Variants in GRXCR2 observed in about 807,000 individuals in gnomAD.
GRXCR2 encodes glutaredoxin and cysteine rich domain containing 2.
Under a neutral mutation model 24.8 loss-of-function variants are expected in GRXCR2, and 23 were observed. The observed-to-expected ratio is 0.93, with a 90% confidence interval of 0.67 to 1.32. GRXCR2 has a LOEUF of 1.32. Ranked by LOEUF, GRXCR2 falls within the 40% of genes most tolerant of loss-of-function variation. GRXCR2 has a pLI of 0.00. For synonymous variants in GRXCR2, 130 were observed against 116.1 expected (o/e 1.12, Z -0.77); for missense variants, 315 against 303.4 (o/e 1.04, Z -0.28).
At position 145,859,912 on chromosome 5, in the gene GRXCR2, C is replaced by A; in HGVS notation, c.568G>T (p.Gly190Trp). 1.3e-6 allele frequency: 2 copies of A among 1,567,962 alleles called. No individual in the cohort carries two copies. Among genetic ancestry groups the A allele is most frequent in the South Asian group, 2.4e-5 (2 of 83,588 alleles). Residue 190 changes from glycine (G) to tryptophan (W), a missense_variant, in exon 3 of 3, where the codon GGG (glycine) becomes TGG (tryptophan). By Grantham distance (184) the Gly-to-Trp change is radical (BLOSUM62 -2). Coordinates refer to ENST00000377976, the MANE Select transcript of GRXCR2 (RefSeq NM_001080516.2). Reference sequence around the variant, plus strand: ...AAACAGCTGTCCTCGGGAATATCCCCTTCCTGCAAGAGACAGGTTAGGGTT... The same window carrying A: ...AAACAGCTGTCCTCGGGAATATCCCATTCCTGCAAGAGACAGGTTAGGGTT... ...TLPQNRYTQEGDIPEDSCFHC... is the reference protein window; with the variant it reads ...TLPQNRYTQEWDIPEDSCFHC...
chr5:145,878,358 T>C (rs952068455), intron 2 of GRXCR2, among the ~76,000 whole-genome samples: 5 of 152,072 alleles, frequency 3.3e-5, no homozygotes, highest in African/African-American at 9.7e-5. Flanking sequence ...TTAAATGACC[T>C]GATGGAGCTG....
At chr5:145,918,739 AG>A (rs1381178824) in intron 2 of GRXCR2, among the ~76,000 whole-genome samples, 3 of 152,192 alleles carry the variant, frequency 2.0e-5, no homozygotes, top group Non-Finnish European at 4.4e-5. Flanking sequence ...ATCTAGAGGA[AG>A]AAGCTCAGGA....
At position 145,910,897 on chromosome 5, in the gene GRXCR2, C is replaced by T. The variant is rs1757155755; in HGVS notation, c.-70+24804G>A. 2.0e-5 allele frequency among the ~76,000 whole-genome samples: 3 copies of T among 152,076 alleles called. No homozygotes were observed. In the South Asian group the frequency reaches 6.2e-4, roughly 32 times the overall value. ...ACACACATGTGTGTACAACTACAGG[C>T]ACATCCCCACTCTGTGGATGAGGAC... On this transcript the variant is annotated intron_variant, in intron 2 of 3. Transcript: ENST00000639411.
Position 145,918,575 on chromosome 5 carries a change from C to T in GRXCR2, c.-70+17126G>A, listed in dbSNP as rs1357997885. Among the ~76,000 whole-genome samples the T allele has an allele frequency of 2.0e-5, 3 of 152,330 alleles. No individual in the cohort carries two copies. The East Asian group carries it at 5.8e-4, about 29-fold the overall frequency. On this transcript the variant is annotated intron_variant, in intron 2 of 3. Coordinates refer to the GRXCR2 transcript ENST00000639411. ...GAAAGGTCAAAGTGTCCAGGAAAAG[C>T]TGGTAATTATGACCAGTTCCTGGGT... is the stretch of plus-strand genomic sequence containing the variant.
intron 2 of GRXCR2, among the ~76,000 whole-genome samples, chr5:145,889,228 G>GAAAT (rs1561683183): frequency 2.7e-5 from 4 of 150,566 alleles, no homozygotes; most frequent in African/African-American, 7.3e-5. Flanking sequence ...AAGAAAGAAA[G>GAAAT]AAAGAAAGAA....
chr5:145,921,133 T>C (rs915090958), intron 2 of GRXCR2, among the ~76,000 whole-genome samples: 1 of 152,198 alleles, frequency 6.6e-6, no homozygotes, highest in African/African-American at 2.4e-5. Flanking sequence ...CCATGTCAGG[T>C]AGGCATTCTG....
At chr5:145,861,494 G>A (rs909175236) in intron 2 of GRXCR2, among the ~76,000 whole-genome samples, 2 of 151,878 alleles carry the variant, frequency 1.3e-5, no homozygotes, top group Non-Finnish European at 2.9e-5. Context: ...AAGAAGGCTT[G>A]CCCACCCACA....
At chr5:145,891,191 C>T (rs1208566063) in intron 2 of GRXCR2, among the ~76,000 whole-genome samples, 1 of 152,150 alleles carries the variant, frequency 6.6e-6, no homozygotes, top group Non-Finnish European at 1.5e-5. Context: ...CTCCAGTCTA[C>T]AGCTCCCAGC....
At chr5:145,862,414 C>T (rs193009421) in intron 2 of GRXCR2, among the ~76,000 whole-genome samples, 247 of 152,276 alleles carry the variant, frequency 1.6e-3, no homozygotes, top group African/African-American at 5.8e-3. Context: ...ACCACTTACC[C>T]TCAACATGCT....
At chr5:145,904,931 T>C (rs939499050) in intron 2 of GRXCR2, among the ~76,000 whole-genome samples, 14 of 152,200 alleles carry the variant, frequency 9.2e-5, no homozygotes, top group African/African-American at 3.1e-4. Context: ...TTTTAGGGTG[T>C]AACAGCTAGG....
intron 2 of GRXCR2, among the ~76,000 whole-genome samples, chr5:145,907,616 G>T (rs1005506256): frequency 6.6e-6 from 1 of 152,150 alleles, no homozygotes; most frequent in Non-Finnish European, 1.5e-5. Context: ...AACCAAGAGA[G>T]AGGGTGGTGA....
chr5:145,926,997 G>C (rs1038277014), intron 2 of GRXCR2, among the ~76,000 whole-genome samples: 9 of 152,034 alleles, frequency 5.9e-5, no homozygotes, highest in African/African-American at 2.2e-4. Flanking sequence ...GCAATTGTGA[G>C]TGGGAGTTCA....
intron 2 of GRXCR2, among the ~76,000 whole-genome samples, chr5:145,895,737 C>G (rs1356470954): frequency 6.6e-6 from 1 of 152,166 alleles, no homozygotes; most frequent in Non-Finnish European, 1.5e-5. Flanking sequence ...ATGCCATCCC[C>G]ATCAAGCTAC....
At chr5:145,862,605 C>A (rs567525365) in intron 2 of GRXCR2, among the ~76,000 whole-genome samples, 1 of 152,288 alleles carries the variant, frequency 6.6e-6, no homozygotes, top group African/African-American at 2.4e-5. Context: ...CCAACAGACC[C>A]ACCAATCCAC....
In GRXCR2 at chr5:145,859,492, T is replaced by C. The variant is rs1306650371; in HGVS notation, c.*241A>G. The C allele has an allele frequency of 8.9e-6, 5 of 560,980 alleles. No individual in the cohort carries two copies. The highest frequency in any genetic ancestry group is 1.3e-5 in the Non-Finnish European group (4 of 314,118). The allele number at this position is 560,980 out of a possible 1,614,324, so 34.8% of individuals were successfully genotyped here. ...ATACACTCACACCATCCTGGAAGGATAATTTTAGAACCAGTTTCAAAGCAG... is the reference window on the plus strand; with the variant it reads ...ATACACTCACACCATCCTGGAAGGACAATTTTAGAACCAGTTTCAAAGCAG... On this transcript the variant is annotated 3_prime_UTR_variant, in exon 3 of 3. Transcript: ENST00000377976.
chr5:145,920,515 A>T (rs1208857454), intron 2 of GRXCR2, among the ~76,000 whole-genome samples: 1 of 152,226 alleles, frequency 6.6e-6, no homozygotes, highest in African/African-American at 2.4e-5. Context: ...TCTCAAAAAT[A>T]TTGAGTGATG....
Position 145,872,881 on chromosome 5 carries a change from G to T in GRXCR2, c.88C>A (p.Arg30=), listed in dbSNP as rs773078687. The T allele has an allele frequency of 1.1e-5, 17 of 1,613,890 alleles. No individual in the cohort carries two copies. The highest frequency in any genetic ancestry group is 1.3e-5 in the Non-Finnish European group (15 of 1,179,994). ...TCCTCAAAGACCTGCTTCAATACTCGACCGCTGTAGGAGGAGGAGATTTTA... is the reference window on the plus strand; with the variant it reads ...TCCTCAAAGACCTGCTTCAATACTCTACCGCTGTAGGAGGAGGAGATTTTA... The part of the protein sequence containing the change: ...RFKISSSYSG[R]VLKQVFEDGQ... Residue 30 remains arginine (R), a synonymous_variant, in exon 1 of 3, where the codon CGA becomes AGA. Transcript: ENST00000377976.
intron 2 of GRXCR2, among the ~76,000 whole-genome samples, chr5:145,930,213 T>C (rs1241152566): frequency 6.6e-6 from 1 of 152,138 alleles, no homozygotes; most frequent in East Asian, 1.9e-4. Context: ...GCCTCCCAAG[T>C]AGCTGGGATT....
chr5:145,881,703 C>T (rs1179517085), intron 2 of GRXCR2, among the ~76,000 whole-genome samples: 3 of 152,210 alleles, frequency 2.0e-5, no homozygotes, highest in Non-Finnish European at 2.9e-5. Flanking sequence ...AAAGACCCCA[C>T]ATTGTCAAGA....
Sources: allele counts gnomAD v4.1 joint callset (sites outside exome capture counted in the v4.1 genomes callset), GRCh38; gene constraint gnomAD v4.1.1; transcripts MANE v1.5; gene names NCBI Gene and HGNC (gene_info 2026-07-23, HGNC 2026-07-21).